TMEM132D: variants seen among roughly 807,000 people sequenced by gnomAD.
TMEM132D encodes the protein mature OL transmembrane protein.
TMEM132D carries 21 observed loss-of-function variants against 62.3 expected under a neutral mutation model. The ratio of observed to expected loss-of-function variants is 0.34; its 90% CI spans 0.24 to 0.49. The LOEUF is 0.49. Among genes scored for constraint, TMEM132D ranks in the 20% least tolerant of loss-of-function variants. TMEM132D has a pLI of 0.99. For missense variants in TMEM132D, 1,346 were observed against 1,402.8 expected (o/e 0.96, Z 0.65); for synonymous variants, 621 against 575.6 (o/e 1.08, Z -1.13).
At chr12:129,260,399 C>T (rs1335899095) in intron 4 of TMEM132D, among the ~76,000 whole-genome samples, 1 of 152,060 alleles carries the variant, frequency 6.6e-6, no homozygotes, top group African/African-American at 2.4e-5. Context: ...GACAACTAGC[C>T]CAGACTGCAC....
At chr12:129,462,452 T>C (rs1244487297) in intron 3 of TMEM132D, among the ~76,000 whole-genome samples, 1 of 152,166 alleles carries the variant, frequency 6.6e-6, no homozygotes, top group East Asian at 1.9e-4. Context: ...AAAAAAAAAT[T>C]GTTACAATCT....
rs779067793 is a variant in TMEM132D, at chr12:129,535,777, CGTGTGTGTGT to C, written c.969-4582_969-4573del. 1.9e-4 allele frequency among the ~76,000 whole-genome samples: 14 copies of C among 74,698 alleles called. No homozygotes were observed. The East Asian group carries it at 3.8e-3, about 20-fold the overall frequency. The allele number at this position is 74,698 out of a possible 152,430, so 49.0% of individuals were successfully genotyped here. A position where few individuals can be genotyped will look rare whatever the true frequency, so the allele number is the denominator to read the frequency against. ...GGGAGATTCATTTAAGATTTGTGTG[CGTGTGTGTGT>C]GTGTGTGTGTGTGTGTGTGTGTGTT... On this transcript the variant is annotated intron_variant, in intron 2 of 8. Transcript: ENST00000422113.
intron 2 of TMEM132D, among the ~76,000 whole-genome samples, chr12:129,631,137 T>C (rs1031143805): frequency 3.3e-5 from 5 of 152,140 alleles, no homozygotes; most frequent in Admixed American, 2.0e-4. Context: ...GAGATGCTAA[T>C]TAGCTTGCTC....
intron 4 of TMEM132D, among the ~76,000 whole-genome samples, chr12:129,262,073 C>G (rs925413406): frequency 1.3e-5 from 2 of 152,084 alleles, no homozygotes; most frequent in Admixed American, 6.5e-5. Context: ...TTCTGGAAAC[C>G]CCTGGCTGAA....
intron 5 of TMEM132D, among the ~76,000 whole-genome samples, chr12:129,188,649 G>A (rs142289416): frequency 6.6e-6 from 1 of 152,026 alleles, no homozygotes; most frequent in Non-Finnish European, 1.5e-5. Flanking sequence ...TCTGGAAGCA[G>A]AGGATGGATA....
intron 5 of TMEM132D, among the ~76,000 whole-genome samples, chr12:129,205,367 C>T (rs1000778045): frequency 1.6e-5 from 2 of 125,134 alleles, no homozygotes; most frequent in African/African-American, 3.3e-5. Context: ...AGTTACAATC[C>T]TAATTTCAGA....
intron 5 of TMEM132D, among the ~76,000 whole-genome samples, chr12:129,181,906 A>C (rs1217160092): frequency 6.6e-6 from 1 of 152,166 alleles, no homozygotes; most frequent in Non-Finnish European, 1.5e-5. Flanking sequence ...CTTTTCTTTC[A>C]GTAGAGACAA....
chr12:129,154,748 A>T lies in TMEM132D; in HGVS notation c.1443+54772T>A, dbSNP rs538045406. On this transcript the variant is annotated intron_variant, in intron 5 of 8. Transcript: ENST00000422113. The stretch of plus-strand genomic sequence containing the variant: ...TTATATCTTTTTTATTTTTTAAATT[A>T]GAACTTTCTGACTCCTTAGAGATGG... Among the ~76,000 whole-genome samples the T allele has an allele frequency of 2.7e-3, 405 of 152,268 alleles. 1 individual carries two copies. The highest frequency in any genetic ancestry group is 9.4e-3 in the African/African-American group (391 of 41,538).
At chr12:129,406,456 T>G (rs1488515798) in intron 3 of TMEM132D, among the ~76,000 whole-genome samples, 1 of 151,908 alleles carries the variant, frequency 6.6e-6, no homozygotes, top group Admixed American at 6.6e-5. Context: ...CCGTCTCTAC[T>G]AAAAATACAA....
intron 1 of TMEM132D, among the ~76,000 whole-genome samples, chr12:129,724,880 T>C (rs570843964): frequency 5.3e-5 from 8 of 152,222 alleles, no homozygotes; most frequent in Non-Finnish European, 1.0e-4. Flanking sequence ...AATAGGAAAT[T>C]ATACAGCTAG....
intron 1 of TMEM132D, among the ~76,000 whole-genome samples, chr12:129,784,767 G>A (rs937698022): frequency 1.3e-5 from 2 of 152,120 alleles, no homozygotes; most frequent in Admixed American, 6.5e-5. Context: ...TGGGAGGCTC[G>A]CCCTGAAGTG....
At chr12:129,528,486 A>C (rs1212043926) in intron 3 of TMEM132D, among the ~76,000 whole-genome samples, 1 of 151,808 alleles carries the variant, frequency 6.6e-6, no homozygotes, top group Non-Finnish European at 1.5e-5. Context: ...GTAAAAAGTA[A>C]TTTACATTCA....
chr12:129,121,505 C>T (rs116435476), intron 5 of TMEM132D, among the ~76,000 whole-genome samples: 11 of 152,166 alleles, frequency 7.2e-5, no homozygotes, highest in South Asian at 6.2e-4. Flanking sequence ...AAAGAAGATA[C>T]GAAGATGGAT....
intron 5 of TMEM132D, among the ~76,000 whole-genome samples, chr12:129,167,858 C>T (rs1299889594): frequency 6.6e-6 from 1 of 152,020 alleles, no homozygotes; most frequent in Non-Finnish European, 1.5e-5. Flanking sequence ...AAGAACCACA[C>T]TTTATTCGGA....
chr12:129,894,458 G>C (rs1481573938), intron 1 of TMEM132D, among the ~76,000 whole-genome samples: 3 of 152,230 alleles, frequency 2.0e-5, no homozygotes, highest in Non-Finnish European at 4.4e-5. Flanking sequence ...GAAAGGTAGA[G>C]AGAGATGAAG....
chr12:129,628,238 T>C (rs1879271095), intron 2 of TMEM132D, among the ~76,000 whole-genome samples: 1 of 152,202 alleles, frequency 6.6e-6, no homozygotes, highest in South Asian at 2.1e-4. Flanking sequence ...GAATGTGTAC[T>C]TCCAGCAATT....
intron 1 of TMEM132D, among the ~76,000 whole-genome samples, chr12:129,725,483 T>C (rs758918756): frequency 6.6e-6 from 1 of 152,252 alleles, no homozygotes; most frequent in Non-Finnish European, 1.5e-5. Flanking sequence ...CACCATTGGC[T>C]CTCATGCCAT....
chr12:129,849,653 AG>A (rs374819772), intron 1 of TMEM132D, among the ~76,000 whole-genome samples: 10 of 152,222 alleles, frequency 6.6e-5, no homozygotes, highest in African/African-American at 2.4e-4. Flanking sequence ...TGGTGAGGAA[AG>A]CAGGGGAGAG....
chr12:129,769,261 G>C (rs1870650703), intron 1 of TMEM132D, among the ~76,000 whole-genome samples: 1 of 152,172 alleles, frequency 6.6e-6, no homozygotes, highest in South Asian at 2.1e-4. Context: ...ACGACTCACA[G>C]TTCCACATGG....
Sources: gnomAD v4.1 joint callset for allele counts (sites outside exome capture counted in the v4.1 genomes callset) on GRCh38, gnomAD v4.1.1 for gene constraint, MANE v1.5 for transcripts, NCBI Gene and HGNC (gene_info 2026-07-23, HGNC 2026-07-21) for gene names.